The following BMPR1A variants were observed in gnomAD, a reference collection of about 807,000 sequenced individuals.
BMPR1A encodes bone morphogenetic protein receptor type 1A, also known as bone morphogenetic protein receptor type-1A.
BMPR1A carries 7 observed loss-of-function variants against 66.0 expected under a neutral mutation model. The ratio of observed to expected loss-of-function variants is 0.11; its 90% confidence interval spans 0.06 to 0.20. BMPR1A has a LOEUF of 0.20. Ranked by LOEUF, BMPR1A falls within the 10% of genes least tolerant of loss-of-function variation. The pLI is 1.00. For missense variants in BMPR1A, 408 were observed against 669.1 expected, an observed-to-expected ratio of 0.61 and a Z score of 4.31; for synonymous variants, 200 against 229.7, an observed-to-expected ratio of 0.87 and a Z score of 1.17.
chr10:86,908,312 T>C (rs1843426277), intron 7 of BMPR1A, among the ~76,000 whole-genome samples: 1 of 152,232 alleles, frequency 6.6e-6, no homozygotes, highest in African/African-American at 2.4e-5. Context: ...ATATCACATG[T>C]ACCCCCCAAA....
At chr10:86,800,528 A>C (rs1176430796) in intron 1 of BMPR1A, among the ~76,000 whole-genome samples, 1 of 152,144 alleles carries the variant, frequency 6.6e-6, no homozygotes. Context: ...AGTAGCTGGG[A>C]TTACAGGCTT....
chr10:86,816,021 G>C (rs4934271), intron 1 of BMPR1A, among the ~76,000 whole-genome samples: 47,282 of 152,008 alleles, frequency 0.31, 8,436 homozygotes, highest in East Asian at 0.69. Context: ...ACTGGAAATG[G>C]CCCCTGCATA....
intron 8 of BMPR1A, among the ~76,000 whole-genome samples, chr10:86,913,332 T>C (rs1843519425): frequency 6.7e-6 from 1 of 148,284 alleles, no homozygotes; most frequent in African/African-American, 2.5e-5. Flanking sequence ...TTTCTCCATG[T>C]TGGCCAGGCT....
chr10:86,813,044 A>T (rs969687653), intron 1 of BMPR1A, among the ~76,000 whole-genome samples: 1 of 152,130 alleles, frequency 6.6e-6, no homozygotes, highest in East Asian at 1.9e-4. Flanking sequence ...GAAATGTCAT[A>T]TAGTTGGAAT....
At chr10:86,758,876 A>G (rs963558409) in intron 1 of BMPR1A, among the ~76,000 whole-genome samples, 3 of 152,092 alleles carry the variant, frequency 2.0e-5, no homozygotes, top group Non-Finnish European at 4.4e-5. Flanking sequence ...TCGACTTCAC[A>G]TTTTCAGATG....
upstream of BMPR1A, chr10:86,755,954 GC>G (rs1367896595): frequency 6.6e-6 from 1 of 152,252 alleles, no homozygotes; most frequent in East Asian, 1.9e-4. Context: ...GGGAAGAGAC[GC>G]CGGGAGCGGT....
intron 1 of BMPR1A, among the ~76,000 whole-genome samples, chr10:86,831,738 T>G (rs1842270299): frequency 6.6e-6 from 1 of 152,202 alleles, no homozygotes; most frequent in South Asian, 2.1e-4. Context: ...CACTCCAGCT[T>G]GGGTGACAGA....
intron 8 of BMPR1A, among the ~76,000 whole-genome samples, chr10:86,912,770 T>C (rs1001737979): frequency 6.6e-6 from 1 of 152,166 alleles, no homozygotes; most frequent in African/African-American, 2.4e-5. Flanking sequence ...TTAAACTGAT[T>C]GATTGAGGGA....
chr10:86,827,771 C>G (rs1368564076), intron 1 of BMPR1A, among the ~76,000 whole-genome samples: 1 of 152,166 alleles, frequency 6.6e-6, no homozygotes, highest in African/African-American at 2.4e-5. Flanking sequence ...GATGTGTTTA[C>G]TTTTTTAGCT....
chr10:86,881,560 G>A (rs539092587), intron 3 of BMPR1A, among the ~76,000 whole-genome samples: 16 of 152,184 alleles, frequency 1.1e-4, no homozygotes, highest in Non-Finnish European at 2.2e-4. Context: ...GCATTTCAGC[G>A]CTCAATAGAC....
intron 1 of BMPR1A, among the ~76,000 whole-genome samples, chr10:86,799,753 G>C (rs983094908): frequency 6.6e-6 from 1 of 151,984 alleles, no homozygotes; most frequent in African/African-American, 2.4e-5. Flanking sequence ...GCTTCACTTG[G>C]TGTTGAATTC....
At chr10:86,865,521 C>T (rs1015471785) in intron 2 of BMPR1A, among the ~76,000 whole-genome samples, 2 of 152,202 alleles carry the variant, frequency 1.3e-5, no homozygotes, top group African/African-American at 4.8e-5. Context: ...AGGACTCAGC[C>T]CGCCTGCACC....
At chr10:86,833,743 A>G (rs1487339630) in intron 1 of BMPR1A, among the ~76,000 whole-genome samples, 1 of 152,230 alleles carries the variant, frequency 6.6e-6, no homozygotes, top group Non-Finnish European at 1.5e-5. Flanking sequence ...TGAGGTATAA[A>G]TTTAGGGCAG....
intron 1 of BMPR1A, among the ~76,000 whole-genome samples, chr10:86,827,307 T>G (rs1237723365): frequency 6.6e-6 from 1 of 152,172 alleles, no homozygotes; most frequent in Non-Finnish European, 1.5e-5. Context: ...ATTTTTTTAT[T>G]TATATTACAA....
chr10:86,878,593 C>T (rs1842948730), intron 3 of BMPR1A, among the ~76,000 whole-genome samples: 1 of 152,158 alleles, frequency 6.6e-6, no homozygotes. Flanking sequence ...TCAAGGCTGA[C>T]ATGTCTGTAA....
intron 1 of BMPR1A, among the ~76,000 whole-genome samples, chr10:86,826,159 C>G (rs1200319352): frequency 6.6e-6 from 1 of 152,014 alleles, no homozygotes; most frequent in Non-Finnish European, 1.5e-5. Flanking sequence ...CATTTAACTT[C>G]TAAACATTTT....
intron 2 of BMPR1A, among the ~76,000 whole-genome samples, chr10:86,852,464 G>C (rs962800919): frequency 5.9e-5 from 9 of 152,120 alleles, no homozygotes; most frequent in Admixed American, 5.2e-4. Context: ...TACTCAGAAA[G>C]CTGAGATGGG....
At chr10:86,761,289 CT>C (rs1457282744) in intron 1 of BMPR1A, among the ~76,000 whole-genome samples, 1 of 152,076 alleles carries the variant, frequency 6.6e-6, no homozygotes, top group Admixed American at 6.5e-5. Flanking sequence ...CTTTGTTACT[CT>C]TTTATAGTTT....
At chr10:86,760,701 C>T (rs185928651) in intron 1 of BMPR1A, among the ~76,000 whole-genome samples, 7 of 152,208 alleles carry the variant, frequency 4.6e-5, no homozygotes, top group South Asian at 2.1e-4. Context: ...TTAGGAGCAG[C>T]GAACCATGGA....
Sources: gnomAD v4.1 joint callset for allele counts (sites outside exome capture counted in the v4.1 genomes callset) on GRCh38, gnomAD v4.1.1 for gene constraint, MANE v1.5 for transcripts, NCBI Gene and HGNC (gene_info 2026-07-23, HGNC 2026-07-21) for gene names.